Variants in LRRC4C observed in about 807,000 individuals in gnomAD.
LRRC4C encodes leucine rich repeat containing 4C, also known as leucine-rich repeat-containing protein 4C.
LRRC4C carries 5 observed loss-of-function variants against 33.6 expected under a neutral mutation model. The observed-to-expected ratio is 0.15, with a 90% CI of 0.08 to 0.31. LRRC4C has a LOEUF of 0.31. Among genes scored for constraint, LRRC4C ranks in the 10% least tolerant of loss-of-function variants. The pLI is 1.00. For synonymous variants in LRRC4C, 329 were observed against 302.0 expected (o/e 1.09, Z -0.93); for missense variants, 560 against 796.7 (o/e 0.70, Z 3.58).
intron 1 of LRRC4C, among the ~76,000 whole-genome samples, chr11:41,191,039 T>C (rs950591581): frequency 7.9e-5 from 12 of 152,266 alleles, no homozygotes; most frequent in Admixed American, 7.9e-4. Flanking sequence ...TTTTAACCCC[T>C]CCCTGGCCTC....
chr11:40,966,573 A>C (rs114834626), intron 1 of LRRC4C, among the ~76,000 whole-genome samples: 130 of 152,094 alleles, frequency 8.5e-4, no homozygotes, highest in African/African-American at 2.8e-3. Context: ...CCTTCTCTAA[A>C]GCCCCTATCT....
chr11:40,539,398 A>G (rs1462773329), intron 3 of LRRC4C, among the ~76,000 whole-genome samples: 1 of 152,092 alleles, frequency 6.6e-6, no homozygotes, highest in Non-Finnish European at 1.5e-5. Context: ...TAGAATCCTA[A>G]AGTTCATAGA....
chr11:40,829,924 T>A (rs1167112081), intron 2 of LRRC4C, among the ~76,000 whole-genome samples: 1 of 152,008 alleles, frequency 6.6e-6, no homozygotes, highest in Non-Finnish European at 1.5e-5. Flanking sequence ...GGAATTGCTA[T>A]GAAAACACTA....
intron 2 of LRRC4C, among the ~76,000 whole-genome samples, chr11:40,741,300 A>T (rs1006234464): frequency 6.6e-6 from 1 of 152,190 alleles, no homozygotes; most frequent in East Asian, 1.9e-4. Context: ...TGCCACTCCA[A>T]CTGAATAAAT....
intron 1 of LRRC4C, among the ~76,000 whole-genome samples, chr11:41,141,603 T>C (rs1158195918): frequency 6.6e-6 from 1 of 152,118 alleles, no homozygotes; most frequent in Admixed American, 6.6e-5. Flanking sequence ...GTTTCTTCCA[T>C]GCTCTTCTTA....
At chr11:41,054,560 T>C (rs1381585997) in intron 1 of LRRC4C, among the ~76,000 whole-genome samples, 2 of 152,228 alleles carry the variant, frequency 1.3e-5, no homozygotes, top group Non-Finnish European at 2.9e-5. Flanking sequence ...GCAACATAAG[T>C]ACTTTGAAGA....
At chr11:40,823,919 T>C (rs186693127) in intron 2 of LRRC4C, among the ~76,000 whole-genome samples, 2 of 151,988 alleles carry the variant, frequency 1.3e-5, no homozygotes, top group East Asian at 3.9e-4. Flanking sequence ...CAAGAATTGA[T>C]ACAACATGAT....
intron 3 of LRRC4C, among the ~76,000 whole-genome samples, chr11:40,372,519 T>G (rs555214849): frequency 6.6e-6 from 1 of 152,322 alleles, no homozygotes; most frequent in East Asian, 1.9e-4. Flanking sequence ...ATTTTAAGGT[T>G]TGCAATCTTA....
At position 41,325,566 on chromosome 11, in the gene LRRC4C, G is replaced by GTTTTTTT. The variant is rs71466927; in HGVS notation, c.-496+133858_-496+133864dup. 1.5e-4 allele frequency among the ~76,000 whole-genome samples: 16 copies of GTTTTTTT among 106,534 alleles called. 1 individual carries two copies. Among genetic ancestry groups the GTTTTTTT allele is most frequent in the African/African-American group, 4.7e-4 (12 of 25,592 alleles). 69.9% of individuals were successfully genotyped at this position (106,534 alleles called of 152,430 possible). A position where few individuals can be genotyped will look rare whatever the true frequency, so the allele number is the denominator to read the frequency against. Reference sequence around the variant, plus strand: ...ATAAGGAAAAATTATTGTCCTTATAGTTTTTTTTTTTTGTGTGTGTGTGTG... The same window carrying GTTTTTTT: ...ATAAGGAAAAATTATTGTCCTTATAGTTTTTTTTTTTTTTTTTTTGTGTGTGTGTGTG... On this transcript the variant is annotated intron_variant, in intron 1 of 6. Coordinates refer to ENST00000528697, the MANE Select transcript of LRRC4C (RefSeq NM_001258419.2).
At chr11:41,070,165 G>A (rs538983060) in intron 1 of LRRC4C, among the ~76,000 whole-genome samples, 98 of 152,246 alleles carry the variant, frequency 6.4e-4, no homozygotes, top group African/African-American at 2.3e-3. Context: ...CAAACAATGG[G>A]GAAAGGATTC....
chr11:40,975,433 C>G (rs1252032043), intron 1 of LRRC4C, among the ~76,000 whole-genome samples: 1 of 152,158 alleles, frequency 6.6e-6, no homozygotes, highest in African/African-American at 2.4e-5. Flanking sequence ...CAATCCCTGC[C>G]TTCTCATTAT....
chr11:40,860,166 A>C (rs1016155246), intron 2 of LRRC4C, among the ~76,000 whole-genome samples: 1 of 152,162 alleles, frequency 6.6e-6, no homozygotes, highest in South Asian at 2.1e-4. Context: ...GAAAGAGGTC[A>C]AACACAGAGG....
intron 1 of LRRC4C, among the ~76,000 whole-genome samples, chr11:40,956,472 G>GTA (rs1299563574): frequency 6.6e-6 from 1 of 151,690 alleles, no homozygotes; most frequent in African/African-American, 2.4e-5. Flanking sequence ...GATCTGCTAT[G>GTA]TATTTACCAA....
At chr11:40,680,799 A>C (rs994165147) in intron 2 of LRRC4C, among the ~76,000 whole-genome samples, 1 of 152,202 alleles carries the variant, frequency 6.6e-6, no homozygotes, top group Non-Finnish European at 1.5e-5. Context: ...GGTGTAAGCA[A>C]TTTGAATGAC....
At chr11:40,730,675 G>A (rs1947521515) in intron 2 of LRRC4C, among the ~76,000 whole-genome samples, 1 of 152,090 alleles carries the variant, frequency 6.6e-6, no homozygotes, top group African/African-American at 2.4e-5. Context: ...ATTTGACTTT[G>A]AACTTTATTA....
intron 2 of LRRC4C, among the ~76,000 whole-genome samples, chr11:40,749,143 C>T (rs1219137919): frequency 6.6e-6 from 1 of 152,092 alleles, no homozygotes; most frequent in Non-Finnish European, 1.5e-5. Context: ...ATTTACAGAA[C>T]ATTTTATTCA....
chr11:41,058,397 C>G (rs186289935), intron 1 of LRRC4C, among the ~76,000 whole-genome samples: 1 of 152,342 alleles, frequency 6.6e-6, no homozygotes, highest in African/African-American at 2.4e-5. Flanking sequence ...GGCTGGAACT[C>G]AGGCTCACTC....
chr11:40,115,277 C>T lies in LRRC4C; in HGVS notation c.1016G>A (p.Arg339Lys), dbSNP rs1172465341. 2.5e-6 allele frequency: 4 copies of T among 1,614,122 alleles called. No homozygotes were observed. In the Admixed American group the frequency reaches 6.7e-5, roughly 27 times the overall value. Residue 339 changes from arginine to lysine, a missense_variant, in exon 7 of 7, where the codon AGG (arginine) becomes AAG (lysine). Coordinates refer to ENST00000528697, the MANE Select transcript of LRRC4C (RefSeq NM_001258419.2). This position sits in a 1 kb window ranked among gnomAD's most constrained non-coding sequence, Gnocchi z 6.7. ...ATTCTGGTCGAGCTCTCCAATGTAC[C>T]TCCCCTTTAGATTGGGAGGAGTGTT... Reference protein sequence around the residue: ...RCNTPPNLKGRYIGELDQNYF... With the variant: ...RCNTPPNLKGKYIGELDQNYF...
rs558120828 is a variant in LRRC4C at position 41,003,079 on chromosome 11, A to T, written c.-495-69356T>A. On this transcript the variant is annotated intron_variant, in intron 1 of 6. Transcript: ENST00000528697. The stretch of plus-strand genomic sequence containing the variant: ...ATTGAAAAGTGACAAATATAAAACA[A>T]AACAATATGCAAAAGATGATTATTT... Among the ~76,000 whole-genome samples the T allele has an allele frequency of 2.0e-4, 30 of 152,324 alleles. 1 individual carries two copies. In the South Asian group the frequency reaches 6.0e-3, roughly 30 times the overall value.
Sources: gnomAD v4.1 joint callset for allele counts (sites outside exome capture counted in the v4.1 genomes callset) on GRCh38, gnomAD v4.1.1 for gene constraint, Gnocchi (gnomAD v3.1) non-coding constraint, MANE v1.5 for transcripts, NCBI Gene and HGNC (gene_info 2026-07-23, HGNC 2026-07-21) for gene names.